UGT1A6: variants seen among roughly 807,000 people sequenced by gnomAD.
The protein encoded by UGT1A6 is UDP glucuronosyltransferase family 1 member A6, also known as UDP-glucuronosyltransferase 1A6.
UGT1A6 carries 32 observed loss-of-function variants against 44.4 expected under a neutral mutation model. That is an observed-to-expected ratio of 0.72 (90% CI 0.54 to 0.97). The LOEUF (loss-of-function observed/expected upper bound fraction) is 0.97, where lower values mean the gene tolerates loss of function less well. Ranked by LOEUF, UGT1A6 falls within the 50% of genes least tolerant of loss-of-function variation. UGT1A6 has a pLI of 0.00. For missense variants in UGT1A6, 685 were observed against 661.9 expected, an observed-to-expected ratio of 1.03 and a Z score of -0.38; for synonymous variants, 238 against 248.5, an observed-to-expected ratio of 0.96 and a Z score of 0.40.
intron 1 of UGT1A6, among the ~76,000 whole-genome samples, chr2:233,737,837 G>A (rs2125811418): frequency 6.6e-6 from 1 of 152,130 alleles, no homozygotes; most frequent in South Asian, 2.1e-4. Flanking sequence ...GGGAACTGTG[G>A]CACAGGTCAC....
intron 1 of UGT1A6, chr2:233,717,937 A>G: frequency 4.4e-6 from 2 of 454,168 alleles, no homozygotes; most frequent in East Asian, 7.0e-5. Flanking sequence ...TTCAGTCTCT[A>G]TGCAGACTTG....
intron 1 of UGT1A6, chr2:233,760,242 A>C: frequency 6.2e-7 from 1 of 1,607,672 alleles, no homozygotes; most frequent in Non-Finnish European, 8.5e-7. Context: ...CCATATATAT[A>C]TATATAAGTA....
rs139927449 is a variant in UGT1A6, at chr2:233,718,873, T to C, written c.861+25008T>C. 3.7e-6 allele frequency: 6 copies of C among 1,613,914 alleles called. No homozygotes were observed. In the South Asian group the frequency reaches 6.6e-5, roughly 18 times the overall value. On this transcript the variant is annotated intron_variant, in intron 1 of 4. Transcript: ENST00000305139. Reference sequence around the variant, plus strand: ...CCGCGGCTGGCCACAGGACTGCTGCTCCTCCTCAGTGTCCAGCCCTGGGCT... The same window carrying C: ...CCGCGGCTGGCCACAGGACTGCTGCCCCTCCTCAGTGTCCAGCCCTGGGCT...
intron 1 of UGT1A6, chr2:233,756,414 T>G (rs1696206608): frequency 6.6e-6 from 1 of 152,212 alleles, no homozygotes; most frequent in African/African-American, 2.4e-5. Flanking sequence ...ATTTGTATTA[T>G]TTGTACTGTT....
At chr2:233,733,983 C>A (rs1268250784) in intron 1 of UGT1A6, among the ~76,000 whole-genome samples, 1 of 151,994 alleles carries the variant, frequency 6.6e-6, no homozygotes, top group African/African-American at 2.4e-5. Context: ...GGAGGGATAG[C>A]ATTAGGAGAT....
chr2:233,693,032 A>G lies in UGT1A6; in HGVS notation c.28A>G (p.Arg10Gly), dbSNP rs535145874. MACLLRSFQ[R>G]ISAGVFFLAL... ...GGCCTGCCTCCTTCGCTCATTTCAG[A>G]GAATTTCTGCAGGGGTTTTCTTCTT... The change falls in exon 1 of 5, where the codon AGA becomes GGA. Residue 10 changes from arginine to glycine, a missense_variant. Coordinates refer to ENST00000305139, the MANE Select transcript of UGT1A6 (RefSeq NM_001072.4). The G allele has an allele frequency of 1.2e-6, 2 of 1,614,132 alleles. No individual in the cohort carries two copies. The highest frequency in any genetic ancestry group is 1.7e-5 in the Admixed American group (1 of 60,030).
chr2:233,716,287 C>T (rs1299471224), intron 1 of UGT1A6, among the ~76,000 whole-genome samples: 1 of 152,202 alleles, frequency 6.6e-6, no homozygotes, highest in African/African-American at 2.4e-5. Context: ...TTAATATAAT[C>T]ACATCTATAA....
intron 1 of UGT1A6, among the ~76,000 whole-genome samples, chr2:233,736,718 T>C (rs1407462438): frequency 1.3e-5 from 2 of 152,092 alleles, no homozygotes; most frequent in East Asian, 3.9e-4. Flanking sequence ...ATGTCCTTTT[T>C]GTTGATGTTT....
intron 1 of UGT1A6, among the ~76,000 whole-genome samples, chr2:233,699,179 A>ACTT (rs765566665): frequency 6.6e-6 from 1 of 151,668 alleles, no homozygotes; most frequent in Non-Finnish European, 1.5e-5. Context: ...TCTGATCCTC[A>ACTT]CTTCTTCTTC....
chr2:233,692,965 A>G lies in UGT1A6; in HGVS notation c.-40A>G. On this transcript the variant is annotated 5_prime_UTR_variant, in exon 1 of 5. Coordinates refer to ENST00000305139, the MANE Select transcript of UGT1A6 (RefSeq NM_001072.4). ...TAGGAGCCCTGTGATTTGGAGAGTG[A>G]AAACTCTTTATTACCGTTGTTACTT... The G allele has an allele frequency of 6.2e-7, 1 of 1,610,184 alleles. No homozygotes were observed. Among genetic ancestry groups the G allele is most frequent in the African/African-American group, 1.3e-5 (1 of 74,880 alleles).
chr2:233,694,516 A>G (rs2125559626), intron 1 of UGT1A6, among the ~76,000 whole-genome samples: 1 of 152,322 alleles, frequency 6.6e-6, no homozygotes, highest in African/African-American at 2.4e-5. Context: ...CCTGACATGT[A>G]GGAAAAGGGC....
intron 1 of UGT1A6, among the ~76,000 whole-genome samples, chr2:233,757,562 G>GATATATATATATATA (rs1696648748): frequency 1.1e-5 from 1 of 90,870 alleles, no homozygotes; most frequent in Non-Finnish European, 2.1e-5. Context: ...ATATATATAT[G>GATATATATATATATA]TATATATGAT....
chr2:233,703,659 G>T (rs568128054), intron 1 of UGT1A6, among the ~76,000 whole-genome samples: 1 of 151,826 alleles, frequency 6.6e-6, no homozygotes, highest in African/African-American at 2.4e-5. Context: ...ATTTCTTTTG[G>T]TTGCTGTTTC....
At chr2:233,754,618 C>T (rs1695535805) in intron 1 of UGT1A6, 1 of 438,776 alleles carries the variant, frequency 2.3e-6, no homozygotes, top group Admixed American at 2.6e-5. Context: ...CCATCTTCCT[C>T]CACTTCCACC....
chr2:233,696,261 A>G (rs1454905171), intron 1 of UGT1A6, among the ~76,000 whole-genome samples: 1 of 152,248 alleles, frequency 6.6e-6, no homozygotes, highest in Non-Finnish European at 1.5e-5. Flanking sequence ...ACATCAGTGA[A>G]TGAATGGATA....
chr2:233,755,013 G>C, intron 1 of UGT1A6: 1 of 1,294,530 alleles, frequency 7.7e-7, no homozygotes, highest in Non-Finnish European at 1.0e-6. Context: ...CTACTCGAAG[G>C]GGTCCTTGAA....
At chr2:233,752,155 C>T (rs1694901340) in intron 1 of UGT1A6, among the ~76,000 whole-genome samples, 1 of 152,178 alleles carries the variant, frequency 6.6e-6, no homozygotes, top group African/African-American at 2.4e-5. Flanking sequence ...CTTCTAGATG[C>T]TTTCTAGTGT....
Position 233,693,568 on chromosome 2 carries a change from T to A in UGT1A6, c.564T>A (p.Pro188=), listed in dbSNP as rs879089605. ...LEHTFSRSPD[P]VSYIPRCYTK... ...ATACATTCAGCAGAAGCCCAGACCC[T>A]GTGTCCTACATTCCCAGGTGCTACA... Residue 188 remains proline, a synonymous_variant, in exon 1 of 5, where the codon CCT becomes CCA. Transcript: ENST00000305139. 1 of 1,614,242 alleles carries A rather than the reference T, an allele frequency of 6.2e-7. No homozygotes were observed. Among genetic ancestry groups the A allele is most frequent in the South Asian group, 1.1e-5 (1 of 91,084 alleles).
intron 1 of UGT1A6, chr2:233,719,692 G>A (rs1410497957): frequency 3.1e-6 from 5 of 1,614,032 alleles, no homozygotes; most frequent in Admixed American, 3.3e-5. Flanking sequence ...TCTCAGGTCT[G>A]TATTGGTGCC....
Sources: allele counts gnomAD v4.1 joint callset (sites outside exome capture counted in the v4.1 genomes callset), GRCh38; gene constraint gnomAD v4.1.1; transcripts MANE v1.5; gene names NCBI Gene and HGNC (gene_info 2026-07-23, HGNC 2026-07-21).